Variants in ZFHX3 observed in about 807,000 individuals in gnomAD.
ZFHX3 encodes the protein zinc finger homeobox 3, also known as zinc finger homeobox protein 3.
ZFHX3 carries 42 observed loss-of-function variants against 279.1 expected under a neutral mutation model. The ratio of observed to expected loss-of-function variants is 0.15; its 90% CI spans 0.12 to 0.19. ZFHX3 has a LOEUF of 0.19. Among genes scored for constraint, ZFHX3 ranks in the 10% least tolerant of loss-of-function variants. ZFHX3 has a pLI of 1.00. For synonymous variants in ZFHX3, 2,293 were observed against 1,957.8 expected, an observed-to-expected ratio of 1.17 and a Z score of -4.52; for missense variants, 4,981 against 4,754.0, an observed-to-expected ratio of 1.05 and a Z score of -1.40.
At chr16:73,533,653 T>C in intron 2 of ZFHX3, among the ~76,000 whole-genome samples, 1 of 152,140 alleles carries the variant, frequency 6.6e-6, no homozygotes, top group South Asian at 2.1e-4. Context: ...AATAGACCTC[T>C]GAAAATCAAT....
intron 2 of ZFHX3, among the ~76,000 whole-genome samples, chr16:73,510,358 G>A (rs9938355): frequency 6.6e-6 from 1 of 151,796 alleles, no homozygotes; most frequent in African/African-American, 2.4e-5. Context: ...TAGATAAAAG[G>A]GCTTAATATA....
intron 4 of ZFHX3, among the ~76,000 whole-genome samples, chr16:73,312,708 T>C (rs2015354133): frequency 6.6e-6 from 1 of 152,210 alleles, no homozygotes; most frequent in Non-Finnish European, 1.5e-5. Flanking sequence ...GGCACAACTC[T>C]ACATTTGCCT....
chr16:73,676,604 C>A (rs2052956919), intron 2 of ZFHX3, among the ~76,000 whole-genome samples: 1 of 151,704 alleles, frequency 6.6e-6, no homozygotes, highest in Admixed American at 6.6e-5. Context: ...ATAAAGAAAG[C>A]AATAAGGCTA....
In ZFHX3 at chr16:73,496,369, A is replaced by C. The variant is rs1467351632; in HGVS notation, c.-1546-40111T>G. Among the ~76,000 whole-genome samples the C allele has an allele frequency of 3.9e-5, 6 of 152,164 alleles. No individual in the cohort carries two copies. In the East Asian group the frequency reaches 9.6e-4, roughly 24 times the overall value. Reference sequence around the variant, plus strand: ...AATATGGTGAAACCCCATCTCTACTAAAACTACAAAATTTAGCAAGGCATG... The same window carrying C: ...AATATGGTGAAACCCCATCTCTACTCAAACTACAAAATTTAGCAAGGCATG... On this transcript the variant is annotated intron_variant, in intron 2 of 17. Transcript: ENST00000641206.
At chr16:73,853,088 C>G (rs1961629567) in intron 1 of ZFHX3, among the ~76,000 whole-genome samples, 1 of 152,284 alleles carries the variant, frequency 6.6e-6, no homozygotes, top group East Asian at 1.9e-4. Flanking sequence ...TTCAATGTCA[C>G]TAATCATCAG....
intron 4 of ZFHX3, chr16:73,257,279 T>C (rs2013686581): frequency 1.3e-5 from 2 of 152,256 alleles, no homozygotes; most frequent in Admixed American, 6.5e-5. Flanking sequence ...TGGTCATCAT[T>C]TCTAGGTCAA....
At chr16:73,812,295 C>T (rs183248051) in intron 1 of ZFHX3, among the ~76,000 whole-genome samples, 3 of 152,308 alleles carry the variant, frequency 2.0e-5, no homozygotes, top group South Asian at 2.1e-4. Context: ...CTCTCACTTC[C>T]GCTTTGGGTG....
At position 73,010,040 on chromosome 16, in the gene ZFHX3, A is replaced by AAAAAAAAC. The variant is rs1416241740; in HGVS notation, c.-50+37711_-50+37712insGTTTTTTT. On this transcript the variant is annotated intron_variant, in intron 1 of 9. Transcript: ENST00000268489. ...CCTCTCAAAGAAAAAAAAAAAAAAA[A>AAAAAAAAC]AAACTCATAAAGGTACACAGCACCT... 4.8e-3 allele frequency among the ~76,000 whole-genome samples: 731 copies of AAAAAAAAC among 150,964 alleles called. 15 individuals carry two copies. Among genetic ancestry groups the AAAAAAAAC allele is most frequent in the African/African-American group, 0.017 (706 of 40,742 alleles).
At chr16:73,795,839 A>G (rs1354079034) in intron 1 of ZFHX3, among the ~76,000 whole-genome samples, 6 of 152,208 alleles carry the variant, frequency 3.9e-5, no homozygotes, top group Non-Finnish European at 8.8e-5. Context: ...ACACAGGAGG[A>G]TAGATTAGAT....
chr16:73,416,887 A>AG (rs2017599360), intron 3 of ZFHX3, among the ~76,000 whole-genome samples: 2 of 152,126 alleles, frequency 1.3e-5, no homozygotes, highest in African/African-American at 4.8e-5. Context: ...CAGAAAAAAA[A>AG]GCAAGTTGAG....
chr16:73,323,474 G>C (rs1292305945), intron 3 of ZFHX3, among the ~76,000 whole-genome samples: 1 of 152,170 alleles, frequency 6.6e-6, no homozygotes, highest in African/African-American at 2.4e-5. Flanking sequence ...CTATCATTCA[G>C]AAGAACAAGA....
chr16:73,415,617 T>A (rs79069869), intron 3 of ZFHX3, among the ~76,000 whole-genome samples: 3,113 of 152,294 alleles, frequency 0.02, 97 homozygotes, highest in African/African-American at 0.071. Context: ...GTATTATTAA[T>A]GTCAGTATCC....
intron 2 of ZFHX3, among the ~76,000 whole-genome samples, chr16:73,534,727 C>T (rs901045514): frequency 2.6e-5 from 4 of 152,186 alleles, no homozygotes; most frequent in African/African-American, 4.8e-5. Context: ...CCATCACTAC[C>T]GCCATCATCG....
At chr16:73,078,339 G>A (rs750065072) in intron 8 of ZFHX3, among the ~76,000 whole-genome samples, 1 of 152,126 alleles carries the variant, frequency 6.6e-6, no homozygotes, top group Non-Finnish European at 1.5e-5. Context: ...AGACCAAGAC[G>A]GGAGCACAAA....
rs1176778675 is a variant in ZFHX3, at chr16:73,416,737, G to GTA, written c.-1291+39265_-1291+39266insTA. ...AAAATACAAAAAATTAGCCGGGTGCGGTGGCGGGCGCCTGTAGTCCCAGCT... is the reference window on the plus strand; with the variant it reads ...AAAATACAAAAAATTAGCCGGGTGCGTAGTGGCGGGCGCCTGTAGTCCCAGCT... On this transcript the variant is annotated intron_variant, in intron 3 of 17. Transcript: ENST00000641206. Among the ~76,000 whole-genome samples the GTA allele has an allele frequency of 4.2e-4, 63 of 149,418 alleles. 1 individual carries two copies. Among genetic ancestry groups the GTA allele is most frequent in the East Asian group, 1.6e-3 (8 of 5,134 alleles).
At chr16:73,557,391 G>T (rs1045694761) in intron 2 of ZFHX3, among the ~76,000 whole-genome samples, 2 of 152,172 alleles carry the variant, frequency 1.3e-5, no homozygotes, top group Non-Finnish European at 2.9e-5. Context: ...ACACAAGAAA[G>T]AATTCAGGGC....
chr16:73,789,231 G>A (rs762789669), intron 1 of ZFHX3, among the ~76,000 whole-genome samples: 15 of 151,284 alleles, frequency 9.9e-5, no homozygotes, highest in Admixed American at 4.0e-4. Flanking sequence ...CCCAGGCTGC[G>A]GTGCAGTGGT....
intron 1 of ZFHX3, among the ~76,000 whole-genome samples, chr16:73,694,661 C>T (rs2053179304): frequency 6.6e-6 from 1 of 152,154 alleles, no homozygotes; most frequent in Non-Finnish European, 1.5e-5. Context: ...TATTAAAAAA[C>T]ATGTGTTTTC....
At chr16:73,668,239 C>G (rs1489436706) in intron 2 of ZFHX3, among the ~76,000 whole-genome samples, 2 of 151,962 alleles carry the variant, frequency 1.3e-5, no homozygotes, top group East Asian at 1.9e-4. Flanking sequence ...ATGTACAACT[C>G]TAGAGTTCAT....
Sources: allele counts gnomAD v4.1 joint callset (sites outside exome capture counted in the v4.1 genomes callset), GRCh38; gene constraint gnomAD v4.1.1; transcripts MANE v1.5; gene names NCBI Gene and HGNC (gene_info 2026-07-23, HGNC 2026-07-21).